The following DIAPH3 variants were observed in gnomAD, a reference collection of about 807,000 sequenced individuals.
DIAPH3 encodes the protein protein diaphanous homolog 3.
A neutral mutation model predicts 144.3 loss-of-function variants in DIAPH3; 117 were observed. The observed-to-expected ratio is 0.81, with a 90% CI of 0.70 to 0.95. DIAPH3 has a LOEUF of 0.95. DIAPH3 is among the 40% of genes least tolerant of loss of function. DIAPH3 has a pLI of 0.00. For synonymous variants in DIAPH3, 519 were observed against 488.9 expected (o/e 1.06, Z -0.81); for missense variants, 1,421 against 1,412.7 (o/e 1.01, Z -0.09).
chr13:59,980,358 C>CGT (rs1484585785), intron 14 of DIAPH3, among the ~76,000 whole-genome samples: 1 of 151,310 alleles, frequency 6.6e-6, no homozygotes, highest in Admixed American at 6.6e-5. Flanking sequence ...TGAGAATTAC[C>CGT]ACAACCTTAA....
At chr13:60,153,387 T>C (rs1951888439) in intron 1 of DIAPH3, 1 of 152,140 alleles carries the variant, frequency 6.6e-6, no homozygotes, top group South Asian at 2.1e-4. Flanking sequence ...ATTTTCTTTT[T>C]AAAAACAGGT....
intron 2 of DIAPH3, among the ~76,000 whole-genome samples, chr13:60,115,659 A>C (rs2058683659): frequency 6.6e-6 from 1 of 152,086 alleles, no homozygotes; most frequent in South Asian, 2.1e-4. Flanking sequence ...AAAGTCAATA[A>C]ATTTTGATTA....
intron 22 of DIAPH3, among the ~76,000 whole-genome samples, chr13:59,855,649 A>G (rs547756388): frequency 2.0e-5 from 3 of 151,896 alleles, no homozygotes; most frequent in Non-Finnish European, 4.4e-5. Flanking sequence ...CTTTACGAAC[A>G]TAGGTTTTAC....
chr13:59,771,560 T>C (rs1280032028), intron 27 of DIAPH3, among the ~76,000 whole-genome samples: 1 of 152,030 alleles, frequency 6.6e-6, no homozygotes, highest in East Asian at 1.9e-4. Flanking sequence ...TTTAACTTTA[T>C]GTTACAAGCT....
intron 4 of DIAPH3, among the ~76,000 whole-genome samples, chr13:60,077,647 C>T (rs2057422028): frequency 6.6e-6 from 1 of 151,960 alleles, no homozygotes; most frequent in African/African-American, 2.4e-5. Context: ...TGTCCAGAGA[C>T]CTAAAGTGCT....
intron 7 of DIAPH3, among the ~76,000 whole-genome samples, chr13:60,010,923 T>C (rs957650871): frequency 6.6e-6 from 1 of 151,704 alleles, no homozygotes; most frequent in Admixed American, 6.6e-5. Context: ...CTGAGCAACA[T>C]GGAGAAACCC....
intron 27 of DIAPH3, among the ~76,000 whole-genome samples, chr13:59,713,762 C>T (rs1187479139): frequency 6.6e-6 from 1 of 152,156 alleles, no homozygotes; most frequent in African/African-American, 2.4e-5. Context: ...GAAAAATTCC[C>T]CTTCATAAAA....
At chr13:59,733,570 A>G (rs1434130430) in intron 27 of DIAPH3, among the ~76,000 whole-genome samples, 1 of 152,236 alleles carries the variant, frequency 6.6e-6, no homozygotes, top group Non-Finnish European at 1.5e-5. Flanking sequence ...GAAGAATAAT[A>G]TCTAAGATAG....
At chr13:59,916,294 A>T in intron 18 of DIAPH3, 45 bp from the exon 19 acceptor site, 1 of 1,435,560 alleles carries the variant, frequency 7.0e-7, no homozygotes, top group African/African-American at 1.4e-5. Flanking sequence ...ATAAGGTTTA[A>T]AAAAGTATTT....
intron 17 of DIAPH3, among the ~76,000 whole-genome samples, chr13:59,965,597 C>T (rs2140525862): frequency 6.7e-6 from 1 of 149,952 alleles, no homozygotes; most frequent in East Asian, 2.0e-4. Context: ...ACCAAATGTT[C>T]AATATATGAA....
At chr13:59,781,347 T>G (rs903224230) in intron 25 of DIAPH3, among the ~76,000 whole-genome samples, 1 of 152,192 alleles carries the variant, frequency 6.6e-6, no homozygotes, top group African/African-American at 2.4e-5. Flanking sequence ...AAAATGGACA[T>G]TTTTCAAACA....
At chr13:59,728,394 C>T (rs2035709708) in intron 27 of DIAPH3, among the ~76,000 whole-genome samples, 1 of 151,244 alleles carries the variant, frequency 6.6e-6, no homozygotes, top group East Asian at 1.9e-4. Context: ...GGAAAAAGAA[C>T]TAATAACCCA....
intron 4 of DIAPH3, among the ~76,000 whole-genome samples, chr13:60,089,926 G>C (rs530602755): frequency 6.6e-6 from 1 of 152,272 alleles, no homozygotes; most frequent in Admixed American, 6.5e-5. Context: ...GGTATATCAG[G>C]ACTCTTTAAC....
At chr13:59,982,478 T>A (rs1346714605) in intron 13 of DIAPH3, among the ~76,000 whole-genome samples, 2 of 151,466 alleles carry the variant, frequency 1.3e-5, no homozygotes, top group African/African-American at 2.4e-5. Flanking sequence ...AGCATTTTCA[T>A]TAATATTATC....
At chr13:59,949,997 TA>T (rs2049016906) in intron 17 of DIAPH3, among the ~76,000 whole-genome samples, 1 of 152,168 alleles carries the variant, frequency 6.6e-6, no homozygotes, top group South Asian at 2.1e-4. Context: ...CCCTTGGTAA[TA>T]AAAGTAGTCT....
At chr13:59,906,791 A>G (rs979413626) in intron 20 of DIAPH3, among the ~76,000 whole-genome samples, 5 of 152,356 alleles carry the variant, frequency 3.3e-5, no homozygotes, top group Admixed American at 3.3e-4. Flanking sequence ...AGTCTAGTAC[A>G]CCAAGCTTCA....
intron 20 of DIAPH3, among the ~76,000 whole-genome samples, chr13:59,897,032 G>A (rs1346471329): frequency 6.6e-6 from 1 of 152,038 alleles, no homozygotes; most frequent in Non-Finnish European, 1.5e-5. Flanking sequence ...AGTCTGGAAG[G>A]TAAAAATTGC....
intron 20 of DIAPH3, among the ~76,000 whole-genome samples, chr13:59,910,636 G>A (rs2046950640): frequency 6.6e-6 from 1 of 151,862 alleles, no homozygotes; most frequent in Non-Finnish European, 1.5e-5. Context: ...GGCTGAGGCA[G>A]GGGAATCGCT....
intron 20 of DIAPH3, among the ~76,000 whole-genome samples, chr13:59,898,134 C>CAAAAAAAAAAAAAAAAAAAAAAGAAAAAA: frequency 1.4e-5 from 1 of 72,196 alleles, no homozygotes; most frequent in Non-Finnish European, 2.4e-5. Context: ...GACTCTGCCT[C>CAAAAAAAAAAAAAAAAAAAAAAGAAAAAA]AAAAAAAAAA....
Sources: gnomAD v4.1 joint callset for allele counts (sites outside exome capture counted in the v4.1 genomes callset) on GRCh38, gnomAD v4.1.1 for gene constraint, MANE v1.5 for transcripts, NCBI Gene and HGNC (gene_info 2026-07-23, HGNC 2026-07-21) for gene names.